Variants in DENND1B observed in about 807,000 individuals in gnomAD.
DENND1B encodes the protein DENN domain-containing protein 1B.
In DENND1B, 59 loss-of-function variants were observed where a neutral mutation model predicts 90.1. That is an observed-to-expected ratio of 0.65 (90% confidence interval 0.53 to 0.81). DENND1B has a LOEUF of 0.81. Among genes scored for constraint, DENND1B ranks in the 40% least tolerant of loss-of-function variants. The probability of loss-of-function intolerance (pLI) is 0.00; values close to 1 mark genes in which losing one functional copy is unlikely to be tolerated. For missense variants in DENND1B, 862 were observed against 912.6 expected (o/e 0.94, Z 0.71); for synonymous variants, 337 against 324.6 (o/e 1.04, Z -0.41).
At chr1:197,614,457 A>G (rs1056683645) in intron 11 of DENND1B, among the ~76,000 whole-genome samples, 2 of 151,018 alleles carry the variant, frequency 1.3e-5, no homozygotes, top group African/African-American at 4.8e-5. Context: ...CTAGCCTTAA[A>G]TTTCCTAATT....
At chr1:197,668,509 T>C (rs937906642) in intron 5 of DENND1B, among the ~76,000 whole-genome samples, 5 of 151,926 alleles carry the variant, frequency 3.3e-5, no homozygotes, top group African/African-American at 9.7e-5. Flanking sequence ...TTTCTTTAAA[T>C]TGACAGATAA....
chr1:197,665,480 T>C (rs189247785), intron 5 of DENND1B, among the ~76,000 whole-genome samples: 21 of 152,284 alleles, frequency 1.4e-4, no homozygotes, highest in African/African-American at 5.0e-4. Context: ...AGCAGACCAC[T>C]TGGCTATGGT....
At chr1:197,737,233 T>C (rs1265870062) in intron 2 of DENND1B, among the ~76,000 whole-genome samples, 2 of 152,164 alleles carry the variant, frequency 1.3e-5, no homozygotes, top group Non-Finnish European at 2.9e-5. Flanking sequence ...CTGCCCTATG[T>C]CGAAGTGGTT....
intron 3 of DENND1B, among the ~76,000 whole-genome samples, chr1:197,684,547 T>C (rs1657032552): frequency 6.6e-6 from 1 of 151,998 alleles, no homozygotes; most frequent in Non-Finnish European, 1.5e-5. Flanking sequence ...GTATAAAAAA[T>C]AAAGGGATGG....
At chr1:197,530,656 G>C (rs572656258) in intron 20 of DENND1B, among the ~76,000 whole-genome samples, 1 of 152,222 alleles carries the variant, frequency 6.6e-6, no homozygotes, top group African/African-American at 2.4e-5. Context: ...ACTACCAAGA[G>C]AGAAATCAGA....
intron 3 of DENND1B, among the ~76,000 whole-genome samples, chr1:197,688,513 C>T (rs1049590928): frequency 6.6e-6 from 1 of 151,918 alleles, no homozygotes; most frequent in African/African-American, 2.4e-5. Context: ...AGAAATAAAC[C>T]CATGCAAATA....
chr1:197,512,583 G>T (rs1007228720), intron 21 of DENND1B, among the ~76,000 whole-genome samples: 7 of 151,480 alleles, frequency 4.6e-5, no homozygotes, highest in African/African-American at 1.2e-4. Context: ...TTCAGAATGA[G>T]TAAGAGCCTA....
At chr1:197,720,728 T>C (rs1024125276) in intron 2 of DENND1B, among the ~76,000 whole-genome samples, 1 of 152,066 alleles carries the variant, frequency 6.6e-6, no homozygotes, top group African/African-American at 2.4e-5. Flanking sequence ...TATCACTCAT[T>C]TTGACAAAGT....
At chr1:197,766,015 A>G (rs1571675708) in intron 2 of DENND1B, among the ~76,000 whole-genome samples, 1 of 152,342 alleles carries the variant, frequency 6.6e-6, no homozygotes, top group East Asian at 1.9e-4. Flanking sequence ...TAAATCAAGA[A>G]GGGCATAACC....
intron 2 of DENND1B, chr1:197,746,886 C>T: frequency 6.2e-7 from 1 of 1,611,816 alleles, no homozygotes; most frequent in Non-Finnish European, 8.5e-7. Flanking sequence ...CAGGCAACTG[C>T]TTTGGCAATC....
In DENND1B at chr1:197,510,606, G is replaced by C. The variant is rs773379564; in HGVS notation, c.2182C>G (p.Pro728Ala). ...GCTTCTTTCCCTTCTTTCTCCCAAG[G>C]AACAAAAGTCGATGAATGCCGCCCA... ...GLGRHSSTFV[P>A]WEKEGKEAKE... is the part of the protein sequence containing the mutation. The change falls in exon 23 of 23, where the codon CCT becomes GCT. Residue 728 changes from proline to alanine, a missense_variant. Coordinates refer to ENST00000620048, the MANE Select transcript of DENND1B (RefSeq NM_001195215.2). 3 of 1,612,574 alleles carry C rather than the reference G, an allele frequency of 1.9e-6. No individual in the cohort carries two copies. The highest frequency in any genetic ancestry group is 2.5e-6 in the Non-Finnish European group (3 of 1,179,232).
intron 5 of DENND1B, among the ~76,000 whole-genome samples, chr1:197,670,207 A>G (rs889727566): frequency 6.6e-6 from 1 of 152,176 alleles, no homozygotes; most frequent in Non-Finnish European, 1.5e-5. Context: ...CCACAAGCAC[A>G]TTTATAGAAA....
intron 5 of DENND1B, among the ~76,000 whole-genome samples, chr1:197,664,910 T>C (rs1654789139): frequency 1.3e-5 from 2 of 152,098 alleles, no homozygotes; most frequent in African/African-American, 4.8e-5. Context: ...TATTGGAGTA[T>C]TTCATTTTGA....
At chr1:197,516,000 T>C (rs954483516) in intron 20 of DENND1B, among the ~76,000 whole-genome samples, 1 of 151,934 alleles carries the variant, frequency 6.6e-6, no homozygotes, top group African/African-American at 2.4e-5. Flanking sequence ...AAGCTACTGC[T>C]TTTTCCACAA....
chr1:197,575,994 TG>T (rs1571938048), intron 15 of DENND1B, among the ~76,000 whole-genome samples: 1 of 152,022 alleles, frequency 6.6e-6, no homozygotes, highest in East Asian at 1.9e-4. Flanking sequence ...AATGAGTTAA[TG>T]GGTGCAGCAA....
intron 3 of DENND1B, among the ~76,000 whole-genome samples, chr1:197,699,867 C>A (rs901169206): frequency 1.3e-5 from 2 of 152,134 alleles, no homozygotes; most frequent in African/African-American, 4.8e-5. Context: ...ACAATCACTA[C>A]AAAGAGAATA....
intron 3 of DENND1B, among the ~76,000 whole-genome samples, chr1:197,704,700 T>C (rs1040997427): frequency 1.3e-5 from 2 of 152,172 alleles, no homozygotes; most frequent in African/African-American, 4.8e-5. Context: ...CTCCATGTTA[T>C]GAAAAATGGA....
At chr1:197,522,920 G>A (rs1000967931) in intron 20 of DENND1B, among the ~76,000 whole-genome samples, 39 of 152,124 alleles carry the variant, frequency 2.6e-4, no homozygotes, top group African/African-American at 9.4e-4. Context: ...CCAACCATGG[G>A]CTAACATGTC....
intron 3 of DENND1B, among the ~76,000 whole-genome samples, chr1:197,707,691 A>G (rs1659723181): frequency 6.8e-6 from 1 of 147,134 alleles, no homozygotes; most frequent in East Asian, 1.9e-4. Context: ...AATATAATAT[A>G]ATATAATTAT....
Sources: allele counts gnomAD v4.1 joint callset (sites outside exome capture counted in the v4.1 genomes callset), GRCh38; gene constraint gnomAD v4.1.1; transcripts MANE v1.5; gene names NCBI Gene and HGNC (gene_info 2026-07-23, HGNC 2026-07-21).